The following PGAP4 variants were observed in gnomAD, a reference collection of about 807,000 sequenced individuals.
PGAP4 encodes the protein post-GPI attachment to proteins GalNAc transferase 4.
PGAP4 carries 12 observed loss-of-function variants against 28.2 expected under a neutral mutation model. The ratio of observed to expected loss-of-function variants is 0.42; its 90% CI spans 0.27 to 0.69. The LOEUF (loss-of-function observed/expected upper bound fraction) is 0.69. PGAP4 is among the 30% of genes least tolerant of loss of function. The pLI is 0.22. For missense variants in PGAP4, 425 were observed against 513.5 expected (o/e 0.83, Z 1.67); for synonymous variants, 205 against 211.8 (o/e 0.97, Z 0.28).
chr9:101,527,068 A>G (rs961912142), intron 2 of PGAP4, among the ~76,000 whole-genome samples: 17 of 152,326 alleles, frequency 1.1e-4, no homozygotes, highest in Admixed American at 4.6e-4. Flanking sequence ...CAGCATGTGC[A>G]TATTTAAGAT....
Position 101,513,681 on chromosome 9 carries a change from G to A in PGAP4, c.-165+17667C>T, listed in dbSNP as rs559816616. ...AACCAATGGGATGGATGGATGGACA[G>A]ATAGGTAGATAGATAGACAGATAGA... On this transcript the variant is annotated intron_variant, in intron 2 of 3. Transcript: ENST00000374851. 3.1e-4 allele frequency among the ~76,000 whole-genome samples: 45 copies of A among 146,826 alleles called. No individual in the cohort carries two copies. In the South Asian group the frequency reaches 9.4e-3, roughly 31 times the overall value.
At chr9:101,517,184 A>G (rs186478154) in intron 2 of PGAP4, among the ~76,000 whole-genome samples, 41 of 152,302 alleles carry the variant, frequency 2.7e-4, no homozygotes, top group Non-Finnish European at 5.3e-4. Flanking sequence ...TACCTCACCA[A>G]GTTCCAAAGT....
In PGAP4 at chr9:101,505,667, G is replaced by T. The variant is rs147844503; in HGVS notation, c.-164-16467C>A. The stretch of plus-strand genomic sequence containing the variant: ...TCTGATCTTTGGACAAAAAATGAGG[G>T]CTAGAGTTAAAGAATTTTCCAAACC... On this transcript the variant is annotated intron_variant, in intron 2 of 3. Transcript: ENST00000374851. Among the ~76,000 whole-genome samples, 265 of 152,150 alleles carry T rather than the reference G, an allele frequency of 1.7e-3. 2 individuals are homozygous for T. The highest frequency in any genetic ancestry group is 0.012 in the Admixed American group (190 of 15,264).
chr9:101,521,788 T>C (rs1350844821), intron 2 of PGAP4, among the ~76,000 whole-genome samples: 1 of 152,186 alleles, frequency 6.6e-6, no homozygotes, highest in Non-Finnish European at 1.5e-5. Context: ...TCTTAGTTCC[T>C]TGAGGTATGA....
intron 1 of PGAP4, among the ~76,000 whole-genome samples, chr9:101,485,283 T>A (rs1262970174): frequency 6.6e-6 from 1 of 152,174 alleles, no homozygotes; most frequent in Non-Finnish European, 1.5e-5. Context: ...AAATTAATTT[T>A]ATTGAGGTGC....
rs1055489949 is a variant in PGAP4, at chr9:101,528,822, G to A, written c.-165+2526C>T. On this transcript the variant is annotated intron_variant, in intron 2 of 3. Coordinates refer to the PGAP4 transcript ENST00000374851. ...TTTTTTTTTTTTTTTAAGTTCAGAGGCACATGTGCAGTTTGTTACATAGGT... is the reference window on the plus strand; with the variant it reads ...TTTTTTTTTTTTTTTAAGTTCAGAGACACATGTGCAGTTTGTTACATAGGT... 6.7e-4 allele frequency among the ~76,000 whole-genome samples: 100 copies of A among 150,352 alleles called. 1 individual carries two copies. The highest frequency in any genetic ancestry group is 2.1e-3 in the African/African-American group (87 of 40,810).
At chr9:101,495,183 T>C (rs1347757021) in intron 2 of PGAP4, among the ~76,000 whole-genome samples, 14 of 104,630 alleles carry the variant, frequency 1.3e-4, no homozygotes, top group African/African-American at 4.7e-4. Context: ...ATATATATTT[T>C]TTGTATAATA....
intron 1 of PGAP4, among the ~76,000 whole-genome samples, chr9:101,479,528 G>A (rs1196106818): frequency 4.6e-5 from 7 of 152,150 alleles, no homozygotes; most frequent in Non-Finnish European, 2.9e-5. Context: ...AGAACCTTTG[G>A]TCCCAGGGAA....
At chr9:101,501,785 A>C in intron 2 of PGAP4, 2 of 517,796 alleles carry the variant, frequency 3.9e-6, no homozygotes, top group South Asian at 2.8e-5. Flanking sequence ...GAACAATGCC[A>C]GACACAAGAG....
upstream of PGAP4, among the ~76,000 whole-genome samples, chr9:101,489,511 A>AAAC (rs1337091357): frequency 1.3e-5 from 2 of 152,230 alleles, no homozygotes; most frequent in Non-Finnish European, 2.9e-5. Context: ...ACAGTGATTA[A>AAAC]AACAACAAAA....
At position 101,474,986 on chromosome 9, in the gene PGAP4, G is replaced by GCTTTTTTTTTTTTT. The variant is rs148013361; in HGVS notation, c.*894_*895insAAAAAAAAAAAAAG. 4.2e-5 allele frequency: 6 copies of GCTTTTTTTTTTTTT among 141,534 alleles called. 2 individuals carry two copies. The highest frequency in any genetic ancestry group is 1.5e-5 in the Non-Finnish European group (1 of 65,852). The allele number at this position is 141,534 out of a possible 1,614,324, so 8.8% of individuals were successfully genotyped here. A position where few individuals can be genotyped will look rare whatever the true frequency, so the allele number is the denominator to read the frequency against. On this transcript the variant is annotated 3_prime_UTR_variant, in exon 2 of 2. Transcript: ENST00000374848. Reference sequence around the variant, plus strand: ...GTCAGGTCTTCTGACTTCAGTCCATGATTTTTTTTTTTTTTTTTCTATAAC... The same window carrying GCTTTTTTTTTTTTT: ...GTCAGGTCTTCTGACTTCAGTCCATGCTTTTTTTTTTTTTATTTTTTTTTTTTTTTTTCTATAAC...
At chr9:101,530,126 C>A (rs540985635) in intron 2 of PGAP4, among the ~76,000 whole-genome samples, 1 of 152,282 alleles carries the variant, frequency 6.6e-6, no homozygotes, top group Non-Finnish European at 1.5e-5. Context: ...AAACAATAAA[C>A]AAAAATCCAA....
chr9:101,491,812 G>GATATATATATAT (rs58209077), upstream of PGAP4, among the ~76,000 whole-genome samples: 45 of 106,240 alleles, frequency 4.2e-4, no homozygotes, highest in African/African-American at 6.1e-4. Flanking sequence ...AATCTTAAAG[G>GATATATATATAT]ATATATATAT....
chr9:101,518,652 C>T (rs182766921), intron 2 of PGAP4, among the ~76,000 whole-genome samples: 29 of 152,290 alleles, frequency 1.9e-4, no homozygotes, highest in Non-Finnish European at 2.6e-4. Context: ...TAATTCATTC[C>T]TTTTTATGGC....
At chr9:101,516,810 T>C (rs562639264) in intron 2 of PGAP4, among the ~76,000 whole-genome samples, 1 of 152,302 alleles carries the variant, frequency 6.6e-6, no homozygotes, top group South Asian at 2.1e-4. Context: ...TGATTATCCA[T>C]TTTTGCAAAA....
At chr9:101,491,844 T>TATATATAC (rs948714323), upstream of PGAP4, among the ~76,000 whole-genome samples, 1 of 137,084 alleles carries the variant, frequency 7.3e-6, no homozygotes, top group Non-Finnish European at 1.6e-5. Context: ...TATATATATA[T>TATATATAC]ATATTCTTTT....
At chr9:101,496,447 G>A (rs977700403) in intron 2 of PGAP4, among the ~76,000 whole-genome samples, 2 of 151,324 alleles carry the variant, frequency 1.3e-5, no homozygotes, top group African/African-American at 4.8e-5. Context: ...ATTTTAGTAA[G>A]AGCAAATTAA....
At chr9:101,513,466 C>T (rs1179479687) in intron 2 of PGAP4, among the ~76,000 whole-genome samples, 5 of 152,166 alleles carry the variant, frequency 3.3e-5, no homozygotes, top group Non-Finnish European at 7.3e-5. Context: ...ACCTGTCACT[C>T]CACACACTTG....
At chr9:101,528,975 CCTCT>C (rs146323705) in intron 2 of PGAP4, among the ~76,000 whole-genome samples, 4 of 148,830 alleles carry the variant, frequency 2.7e-5, no homozygotes, top group Admixed American at 6.7e-5. Flanking sequence ...TTGTGTTGCT[CCTCT>C]CTCTCTCTCT....
Sources: gnomAD v4.1 joint callset for allele counts (sites outside exome capture counted in the v4.1 genomes callset) on GRCh38, gnomAD v4.1.1 for gene constraint, MANE v1.5 for transcripts, NCBI Gene and HGNC (gene_info 2026-07-23, HGNC 2026-07-21) for gene names.